Variants in SMOC2 observed in about 807,000 individuals in gnomAD.
SMOC2 encodes SPARC-related modular calcium-binding protein 2.
Under a neutral mutation model 61.4 loss-of-function variants are expected in SMOC2, and 39 were observed. That is an observed-to-expected ratio of 0.64 (90% CI 0.49 to 0.83). The LOEUF is 0.83. Ranked by LOEUF, SMOC2 falls within the 40% of genes least tolerant of loss-of-function variation. The pLI is 0.00. For synonymous variants in SMOC2, 247 were observed against 239.9 expected (o/e 1.03, Z -0.27); for missense variants, 556 against 592.9 (o/e 0.94, Z 0.65).
intron 1 of SMOC2, among the ~76,000 whole-genome samples, chr6:168,495,789 G>T (rs1424303378): frequency 6.6e-6 from 1 of 151,990 alleles, no homozygotes; most frequent in African/African-American, 2.4e-5. Flanking sequence ...CACCTGCAGG[G>T]TTCACCTGGG....
chr6:168,457,553 G>A (rs906787521), intron 1 of SMOC2, among the ~76,000 whole-genome samples: 5 of 152,180 alleles, frequency 3.3e-5, no homozygotes, highest in South Asian at 2.1e-4. Flanking sequence ...ATATGTATGC[G>A]GCAGAGTAAT....
chr6:168,581,819 G>A (rs1479070995), intron 7 of SMOC2, among the ~76,000 whole-genome samples: 3 of 151,890 alleles, frequency 2.0e-5, no homozygotes, highest in East Asian at 1.9e-4. Context: ...CTCATTGACC[G>A]GGGCTGGGTG....
intron 1 of SMOC2, among the ~76,000 whole-genome samples, chr6:168,447,604 G>A (rs891219423): frequency 6.6e-6 from 1 of 152,146 alleles, no homozygotes; most frequent in African/African-American, 2.4e-5. Context: ...TGGGGGGAAA[G>A]GGGTAGGCAA....
At chr6:168,483,014 C>T (rs1259796590) in intron 1 of SMOC2, among the ~76,000 whole-genome samples, 2 of 152,074 alleles carry the variant, frequency 1.3e-5, no homozygotes, top group Non-Finnish European at 2.9e-5. Context: ...TGCCTGCTTT[C>T]ACCACTACTA....
intron 1 of SMOC2, among the ~76,000 whole-genome samples, chr6:168,469,839 A>T (rs1048147159): frequency 6.6e-6 from 1 of 152,260 alleles, no homozygotes; most frequent in African/African-American, 2.4e-5. Flanking sequence ...CAAGATGTCC[A>T]GTGGAAATTT....
chr6:168,633,103 C>A (rs747236853), intron 9 of SMOC2, among the ~76,000 whole-genome samples: 1 of 152,180 alleles, frequency 6.6e-6, no homozygotes, highest in Non-Finnish European at 1.5e-5. Context: ...GGACGTAGGG[C>A]TGAGATGACT....
chr6:168,623,932 C>T (rs1056462367), intron 9 of SMOC2, among the ~76,000 whole-genome samples: 1 of 152,140 alleles, frequency 6.6e-6, no homozygotes, highest in Non-Finnish European at 1.5e-5. Flanking sequence ...GGGAGAGAGG[C>T]GCGCTCACCT....
intron 7 of SMOC2, among the ~76,000 whole-genome samples, chr6:168,577,757 C>T (rs1261043724): frequency 2.0e-5 from 3 of 152,162 alleles, no homozygotes; most frequent in African/African-American, 7.2e-5. Context: ...GGCAACACAT[C>T]GACAGAGCCC....
intron 1 of SMOC2, among the ~76,000 whole-genome samples, chr6:168,496,267 G>A (rs1421209643): frequency 6.6e-6 from 1 of 152,106 alleles, no homozygotes; most frequent in Non-Finnish European, 1.5e-5. Context: ...AGGCAGGGTG[G>A]GGAGTGCTTG....
chr6:168,574,220 C>T (rs916331952), intron 7 of SMOC2, among the ~76,000 whole-genome samples: 4 of 152,198 alleles, frequency 2.6e-5, no homozygotes, highest in African/African-American at 7.2e-5. Flanking sequence ...GGTGTGGCAG[C>T]GCTGGGAGGG....
intron 6 of SMOC2, among the ~76,000 whole-genome samples, chr6:168,547,772 C>T (rs776460191): frequency 1.2e-4 from 18 of 151,824 alleles, no homozygotes; most frequent in Non-Finnish European, 1.9e-4. Context: ...TGTGTGTGGC[C>T]GTGTCCAGCC....
chr6:168,645,665 C>T (rs1787006921), intron 9 of SMOC2, among the ~76,000 whole-genome samples: 1 of 152,198 alleles, frequency 6.6e-6, no homozygotes, highest in Non-Finnish European at 1.5e-5. Context: ...CACGAAGTGA[C>T]CCCAAGGTGC....
chr6:168,565,003 G>T (rs1310144756), intron 7 of SMOC2, among the ~76,000 whole-genome samples: 1 of 152,180 alleles, frequency 6.6e-6, no homozygotes, highest in Non-Finnish European at 1.5e-5. Context: ...TCTGAATGGG[G>T]AAGAATAAAA....
At chr6:168,463,922 G>A (rs1278009261) in intron 1 of SMOC2, among the ~76,000 whole-genome samples, 1 of 152,074 alleles carries the variant, frequency 6.6e-6, no homozygotes, top group Non-Finnish European at 1.5e-5. Flanking sequence ...CAGGTGAGGT[G>A]GCTCACACCT....
At chr6:168,606,435 T>C (rs1785692339) in intron 8 of SMOC2, among the ~76,000 whole-genome samples, 1 of 152,206 alleles carries the variant, frequency 6.6e-6, no homozygotes. Context: ...AAAGAGGCTA[T>C]TGAGGGCCAA....
intron 2 of SMOC2, among the ~76,000 whole-genome samples, chr6:168,510,651 A>G (rs1346110680): frequency 6.6e-6 from 1 of 152,212 alleles, no homozygotes; most frequent in African/African-American, 2.4e-5. Context: ...AAAAGACCAC[A>G]AAGACTAAAG....
intron 9 of SMOC2, among the ~76,000 whole-genome samples, chr6:168,637,905 CTGTATG>C (rs1786783014): frequency 9.8e-6 from 1 of 102,036 alleles, no homozygotes; most frequent in Non-Finnish European, 2.5e-5. Context: ...CCAGGGCGTG[CTGTATG>C]CTGAGCTGGA....
intron 8 of SMOC2, among the ~76,000 whole-genome samples, chr6:168,606,621 C>T (rs60027497): frequency 0.12 from 18,314 of 152,182 alleles, 1,304 homozygotes; most frequent in Middle Eastern, 0.27. Flanking sequence ...AAAATAGAAC[C>T]TAAAGTGATC....
chr6:168,515,583 C>G (rs576433415), intron 2 of SMOC2, among the ~76,000 whole-genome samples: 10 of 152,414 alleles, frequency 6.6e-5, no homozygotes, highest in East Asian at 1.9e-4. Flanking sequence ...CATCCTGGCT[C>G]GTGGCGGAAG....
Sources: gnomAD v4.1 joint callset for allele counts (sites outside exome capture counted in the v4.1 genomes callset) on GRCh38, gnomAD v4.1.1 for gene constraint, MANE v1.5 for transcripts, NCBI Gene and HGNC (gene_info 2026-07-23, HGNC 2026-07-21) for gene names.